The following TMEM131 variants were observed in gnomAD, a reference collection of about 807,000 sequenced individuals.
The protein encoded by TMEM131 is 2610524E03Rik.
In TMEM131, 66 loss-of-function variants were observed where a neutral mutation model predicts 211.6. The observed-to-expected ratio is 0.31, with a 90% CI of 0.26 to 0.38. The LOEUF is 0.38. TMEM131 is among the 10% of genes least tolerant of loss of function. The probability of loss-of-function intolerance (pLI) is 1.00; values close to 1 mark genes in which losing one functional copy is unlikely to be tolerated. For missense variants in TMEM131, 2,036 were observed against 2,299.3 expected, an observed-to-expected ratio of 0.89 and a Z score of 2.34; for synonymous variants, 844 against 841.3, an observed-to-expected ratio of 1.00 and a Z score of -0.06.
intron 1 of TMEM131, among the ~76,000 whole-genome samples, chr2:97,934,397 C>T (rs1677356450): frequency 6.6e-6 from 1 of 152,102 alleles, no homozygotes; most frequent in Non-Finnish European, 1.5e-5. Context: ...CAAGAAGACA[C>T]ACTATATTCA....
At chr2:97,993,622 T>C (rs1002038835) in intron 1 of TMEM131, among the ~76,000 whole-genome samples, 2 of 152,210 alleles carry the variant, frequency 1.3e-5, no homozygotes, top group African/African-American at 4.8e-5. Context: ...CAGAAAAGCA[T>C]GGGCCACAAA....
chr2:97,827,461 G>C, intron 11 of TMEM131: 3 of 1,031,208 alleles, frequency 2.9e-6, no homozygotes, highest in Non-Finnish European at 4.6e-6. Flanking sequence ...AGAAACTAAA[G>C]AAGATTTACC....
intron 11 of TMEM131, among the ~76,000 whole-genome samples, chr2:97,819,889 C>T (rs1340821848): frequency 6.6e-6 from 1 of 152,212 alleles, no homozygotes; most frequent in Non-Finnish European, 1.5e-5. Context: ...TGAAATCTGC[C>T]TCAACAGAAC....
Position 97,809,735 on chromosome 2 carries a change from A to G in TMEM131, c.2008T>C (p.Ser670Pro). 1 of 1,609,974 alleles carries G rather than the reference A, an allele frequency of 6.2e-7. No homozygotes were observed. Residue 670 changes from serine (S) to proline (P), a missense_variant, in exon 19 of 41, where the codon TCA (serine) becomes CCA (proline). By Grantham distance (74) the Ser-to-Pro change is moderately conservative. Transcript: ENST00000186436. The stretch of plus-strand genomic sequence containing the variant: ...ACGTGCTTAGGGAAGCAGGTCAGTG[A>G]GCCTACTGCAATCACAGCCTTCACA... ...IPVKAVIAVG[S>P]LTCFPKHVVL...
In TMEM131 at chr2:97,812,420, C is replaced by T; in HGVS notation, c.1863+1G>A. ...AAGGAGACAATAGAAAGTTTACTTA[C>T]CGATGATTGATCTGATAAAGAGGAT... is the stretch of plus-strand genomic sequence containing the variant. On this transcript the variant is annotated splice_donor_variant, in intron 17 of 40. Coordinates refer to ENST00000186436, the MANE Select transcript of TMEM131 (RefSeq NM_015348.2). LOFTEE classifies it high-confidence loss of function. 6.3e-7 allele frequency: 1 copy of T among 1,597,920 alleles called. No individual in the cohort carries two copies.
At chr2:97,974,265 AGGCATAGCAGTAGACCCATCCAAAAT>A (rs1325233354) in intron 1 of TMEM131, among the ~76,000 whole-genome samples, 2 of 152,162 alleles carry the variant, frequency 1.3e-5, no homozygotes, top group Non-Finnish European at 2.9e-5. Context: ...GGGAACTTGA[AGGCATAGCAGTAGACCCATCCAAAAT>A]GGAACACGCA....
At chr2:97,985,273 C>T (rs887190802) in intron 1 of TMEM131, among the ~76,000 whole-genome samples, 1 of 151,888 alleles carries the variant, frequency 6.6e-6, no homozygotes, top group African/African-American at 2.4e-5. Context: ...TGCATAAAAA[C>T]ATACATATTA....
chr2:97,893,855 T>C (rs1390205716), intron 3 of TMEM131, among the ~76,000 whole-genome samples: 2 of 152,208 alleles, frequency 1.3e-5, no homozygotes, highest in Non-Finnish European at 2.9e-5. Flanking sequence ...ATAGTGCCTT[T>C]TGCTGTGCAG....
intron 4 of TMEM131, among the ~76,000 whole-genome samples, chr2:97,864,433 T>C (rs1674190908): frequency 6.6e-6 from 1 of 152,214 alleles, no homozygotes. Flanking sequence ...GACTATCCCA[T>C]TTACCTTGAT....
rs865945975 is a variant in TMEM131 at position 97,948,879 on chromosome 2, G to A, written c.188-21392C>T. Among the ~76,000 whole-genome samples, 11 of 152,138 alleles carry A rather than the reference G, an allele frequency of 7.2e-5. No homozygotes were observed. The South Asian group carries it at 1.5e-3, about 20-fold the overall frequency. On this transcript the variant is annotated intron_variant, in intron 1 of 40. Transcript: ENST00000186436. ...TCACCATGTTAGCCAGGATGGTCTCGATCTCCTGACCTCGTGATCTGCCCG... is the reference window on the plus strand; with the variant it reads ...TCACCATGTTAGCCAGGATGGTCTCAATCTCCTGACCTCGTGATCTGCCCG...
At chr2:97,854,512 A>C (rs1673761187) in intron 5 of TMEM131, among the ~76,000 whole-genome samples, 1 of 152,152 alleles carries the variant, frequency 6.6e-6, no homozygotes, top group African/African-American at 2.4e-5. Context: ...CTTACCCTGG[A>C]GTATGACAAC....
intron 3 of TMEM131, among the ~76,000 whole-genome samples, chr2:97,896,060 A>G (rs536367791): frequency 2.6e-5 from 4 of 152,200 alleles, no homozygotes; most frequent in African/African-American, 9.6e-5. Context: ...ATTCTGGTAC[A>G]TTGTGTCTTC....
At chr2:97,991,651 A>G (rs1175703662) in intron 1 of TMEM131, among the ~76,000 whole-genome samples, 1 of 152,208 alleles carries the variant, frequency 6.6e-6, no homozygotes, top group Non-Finnish European at 1.5e-5. Context: ...AGAAGTACAG[A>G]GTCACCGAAA....
intron 6 of TMEM131, among the ~76,000 whole-genome samples, chr2:97,842,201 C>A (rs1023046401): frequency 6.6e-6 from 1 of 151,928 alleles, no homozygotes; most frequent in African/African-American, 2.4e-5. Flanking sequence ...ATGCAATAGA[C>A]AAAAGAAGAA....
At chr2:97,804,906 T>C (rs1681219910) in intron 22 of TMEM131, among the ~76,000 whole-genome samples, 182 bp downstream of exon 22, 1 of 152,190 alleles carries the variant, frequency 6.6e-6, no homozygotes, top group South Asian at 2.1e-4. Context: ...TATGTATATT[T>C]CCAAGCAACA....
At chr2:97,933,749 A>G (rs1416078045) in intron 1 of TMEM131, among the ~76,000 whole-genome samples, 1 of 152,184 alleles carries the variant, frequency 6.6e-6, no homozygotes, top group Admixed American at 6.5e-5. Flanking sequence ...CCCAAAATTC[A>G]AAAACTGATC....
intron 25 of TMEM131, among the ~76,000 whole-genome samples, chr2:97,801,114 G>C (rs1681016067): frequency 1.3e-5 from 2 of 152,210 alleles, no homozygotes; most frequent in Non-Finnish European, 2.9e-5. Context: ...AACTACAAGG[G>C]ATCTGGTTTG....
chr2:97,971,051 T>C (rs904446282), intron 1 of TMEM131, among the ~76,000 whole-genome samples: 1 of 152,188 alleles, frequency 6.6e-6, no homozygotes, highest in Non-Finnish European at 1.5e-5. Flanking sequence ...TAGAATTCTA[T>C]CAATAATTAT....
chr2:97,827,572 C>T, intron 11 of TMEM131: 1 of 894,200 alleles, frequency 1.1e-6, no homozygotes, highest in Non-Finnish European at 1.9e-6. Flanking sequence ...CATGTCTTAT[C>T]AGTGGTCCCT....
Sources: allele counts gnomAD v4.1 joint callset (sites outside exome capture counted in the v4.1 genomes callset), GRCh38; gene constraint gnomAD v4.1.1; transcripts MANE v1.5; gene names NCBI Gene and HGNC (gene_info 2026-07-23, HGNC 2026-07-21).